Variants in GLRA3 observed in about 807,000 individuals in gnomAD.
GLRA3 encodes the protein glycine receptor alpha 3.
In GLRA3, 44 loss-of-function variants were observed where a neutral mutation model predicts 60.4. That is an observed-to-expected ratio of 0.73 (90% CI 0.57 to 0.94). The LOEUF (loss-of-function observed/expected upper bound fraction) is 0.94. GLRA3 is among the 40% of genes least tolerant of loss of function. The pLI is 0.00. For missense variants in GLRA3, 508 were observed against 564.6 expected (o/e 0.90, Z 1.02); for synonymous variants, 223 against 192.9 (o/e 1.16, Z -1.29).
chr4:174,648,675 A>T (rs1256653079), intron 9 of GLRA3, among the ~76,000 whole-genome samples: 1 of 152,146 alleles, frequency 6.6e-6, no homozygotes, highest in Non-Finnish European at 1.5e-5. Context: ...GTCCTTAGGC[A>T]TGTGGCCCTC....
chr4:174,716,207 C>T (rs557790684), intron 4 of GLRA3, among the ~76,000 whole-genome samples: 7 of 152,168 alleles, frequency 4.6e-5, no homozygotes, highest in African/African-American at 1.4e-4. Context: ...TCATGTTCCC[C>T]GGTGTGGGAT....
chr4:174,815,282 C>T (rs1740442341), intron 1 of GLRA3, among the ~76,000 whole-genome samples: 1 of 152,126 alleles, frequency 6.6e-6, no homozygotes, highest in African/African-American at 2.4e-5. Context: ...GGGTATAGCC[C>T]CACTCCTGGC....
intron 3 of GLRA3, among the ~76,000 whole-genome samples, chr4:174,737,731 C>T (rs921719612): frequency 6.6e-6 from 1 of 152,254 alleles, no homozygotes; most frequent in African/African-American, 2.4e-5. Flanking sequence ...AGACTGGTCT[C>T]GAACTCCTGA....
At chr4:174,779,493 C>G (rs1041439974) in intron 2 of GLRA3, among the ~76,000 whole-genome samples, 1 of 152,108 alleles carries the variant, frequency 6.6e-6, no homozygotes, top group African/African-American at 2.4e-5. Context: ...GAGAAGGCGG[C>G]TTCAGATGAT....
intron 1 of GLRA3, among the ~76,000 whole-genome samples, chr4:174,806,726 C>T (rs1418813996): frequency 6.6e-6 from 1 of 152,066 alleles, no homozygotes; most frequent in Admixed American, 6.6e-5. Context: ...GGGATTTGAA[C>T]ATCAGTGAAT....
chr4:174,704,845 A>G (rs1735458647), intron 5 of GLRA3, among the ~76,000 whole-genome samples: 1 of 143,852 alleles, frequency 7.0e-6, no homozygotes, highest in Non-Finnish European at 1.5e-5. Context: ...TCACACAAAG[A>G]CAAATACTGT....
At chr4:174,775,255 G>C (rs1738554683) in intron 2 of GLRA3, among the ~76,000 whole-genome samples, 1 of 151,828 alleles carries the variant, frequency 6.6e-6, no homozygotes, top group Non-Finnish European at 1.5e-5. Context: ...TTGGTGGATA[G>C]GAATAGTAAA....
intron 2 of GLRA3, among the ~76,000 whole-genome samples, chr4:174,784,487 A>AC (rs1479228767): frequency 2.1e-5 from 3 of 145,088 alleles, no homozygotes; most frequent in South Asian, 2.2e-4. Flanking sequence ...AATACAAAAA[A>AC]AAAACCAAAA....
chr4:174,738,427 T>C (rs1463084814), intron 3 of GLRA3, among the ~76,000 whole-genome samples: 3 of 152,232 alleles, frequency 2.0e-5, no homozygotes, highest in Non-Finnish European at 4.4e-5. Context: ...GGTATTTGAA[T>C]GTAGGGTATC....
At chr4:174,800,601 AC>A (rs113229816) in intron 1 of GLRA3, among the ~76,000 whole-genome samples, 11 of 146,252 alleles carry the variant, frequency 7.5e-5, no homozygotes, top group South Asian at 2.2e-4. Flanking sequence ...TTAAAACCAA[AC>A]CCCCCCCGCC....
At chr4:174,666,252 G>C (rs1251390288) in intron 7 of GLRA3, among the ~76,000 whole-genome samples, 1 of 152,010 alleles carries the variant, frequency 6.6e-6, no homozygotes, top group East Asian at 1.9e-4. Flanking sequence ...AATACATACT[G>C]TAAGATCCTC....
chr4:174,663,848 TG>T (rs1733555501), intron 7 of GLRA3, among the ~76,000 whole-genome samples: 1 of 152,192 alleles, frequency 6.6e-6, no homozygotes, highest in Non-Finnish European at 1.5e-5. Flanking sequence ...GTCTCCCTTT[TG>T]GGCAGTATCA....
At position 174,642,529 on chromosome 4, in the gene GLRA3, A is replaced by G. The variant is rs1732651020; in HGVS notation, c.*1257T>C. The G allele has an allele frequency of 2.0e-6, 2 of 976,264 alleles. No individual in the cohort carries two copies. The highest frequency in any genetic ancestry group is 1.8e-5 in the African/African-American group (1 of 57,076). 60.5% of individuals were successfully genotyped at this position (976,264 alleles called of 1,614,324 possible). On this transcript the variant is annotated 3_prime_UTR_variant, in exon 10 of 10. Coordinates refer to ENST00000274093, the MANE Select transcript of GLRA3 (RefSeq NM_006529.4). ...GAACTCTATCATACATTTGCACCCA[A>G]TTACACTGCAAAAAACAAGTTACTA...
chr4:174,660,341 T>C (rs1733388148), intron 7 of GLRA3, among the ~76,000 whole-genome samples: 1 of 152,132 alleles, frequency 6.6e-6, no homozygotes, highest in African/African-American at 2.4e-5. Flanking sequence ...TGTGGGACAT[T>C]ATCTGTCTCT....
intron 5 of GLRA3, among the ~76,000 whole-genome samples, chr4:174,708,227 A>G (rs1316645590): frequency 6.6e-6 from 1 of 152,176 alleles, no homozygotes; most frequent in African/African-American, 2.4e-5. Context: ...GCAAAAAATC[A>G]TCACCAAATC....
chr4:174,666,739 A>T (rs1733679690), intron 7 of GLRA3, among the ~76,000 whole-genome samples: 6 of 134,166 alleles, frequency 4.5e-5, no homozygotes, highest in Admixed American at 7.7e-5. Context: ...CTCAAATAAG[A>T]ATATATATAT....
Position 174,728,508 on chromosome 4 carries a change from A to C in GLRA3, c.458T>G (p.Ile153Ser). The C allele has an allele frequency of 1.2e-6, 2 of 1,608,370 alleles. No homozygotes were observed. The highest frequency in any genetic ancestry group is 1.7e-6 in the Non-Finnish European group (2 of 1,176,092). ...ATAAAGAACATTTCCATTTTTGAAAATTCTTAGCAATTTGTTGTCTGTAGT... is the reference window on the plus strand; with the variant it reads ...ATAAAGAACATTTCCATTTTTGAAACTTCTTAGCAATTTGTTGTCTGTAGT... ...EVTTDNKLLRIFKNGNVLYSI... is the reference protein window; with the variant it reads ...EVTTDNKLLRSFKNGNVLYSI... The change falls in exon 4 of 10, where the codon ATT becomes AGT. Residue 153 changes from isoleucine to serine, a missense_variant. Ile to Ser is a moderately radical substitution (Grantham distance 142, BLOSUM62 -2). This residue lies in a region of GLRA3 where 329 missense variants were observed against 349.3 expected (regional missense o/e 0.94). Coordinates refer to ENST00000274093, the MANE Select transcript of GLRA3 (RefSeq NM_006529.4).
chr4:174,716,857 T>A (rs2111098684), intron 4 of GLRA3, among the ~76,000 whole-genome samples: 1 of 152,270 alleles, frequency 6.6e-6, no homozygotes, highest in Middle Eastern at 3.4e-3. Context: ...TTTACTCATC[T>A]GCCAAATTCT....
chr4:174,821,155 T>C (rs13102923), intron 1 of GLRA3, among the ~76,000 whole-genome samples: 50,683 of 152,034 alleles, frequency 0.33, 8,983 homozygotes, highest in Non-Finnish European at 0.39. Flanking sequence ...ATTTCCAATA[T>C]TATTTTTAAA....
Sources: allele counts gnomAD v4.1 joint callset (sites outside exome capture counted in the v4.1 genomes callset), GRCh38; gene constraint gnomAD v4.1.1; regional missense constraint gnomAD v4.1.1; transcripts MANE v1.5; gene names NCBI Gene and HGNC (gene_info 2026-07-23, HGNC 2026-07-21).